Variants in FMN2 observed in about 807,000 individuals in gnomAD.
FMN2 encodes the protein formin-2.
In FMN2, 51 loss-of-function variants were observed where a neutral mutation model predicts 142.3. The observed-to-expected ratio is 0.36, with a 90% CI of 0.29 to 0.45. The LOEUF (loss-of-function observed/expected upper bound fraction) is 0.45, where lower values mean the gene tolerates loss of function less well. FMN2 is among the 20% of genes least tolerant of loss of function. The probability of loss-of-function intolerance (pLI) is 1.00; values close to 1 mark genes in which losing one functional copy is unlikely to be tolerated. For missense variants in FMN2, 1,936 were observed against 2,122.8 expected, an observed-to-expected ratio of 0.91 and a Z score of 1.73; for synonymous variants, 882 against 869.8, an observed-to-expected ratio of 1.01 and a Z score of -0.25.
chr1:240,392,886 T>A (rs1673651567), intron 15 of FMN2, among the ~76,000 whole-genome samples: 1 of 152,176 alleles, frequency 6.6e-6, no homozygotes, highest in South Asian at 2.1e-4. Context: ...AAAAAAACTA[T>A]GTGATTTCCA....
chr1:240,396,665 G>A (rs1673789367), intron 15 of FMN2, among the ~76,000 whole-genome samples: 1 of 152,060 alleles, frequency 6.6e-6, no homozygotes, highest in Non-Finnish European at 1.5e-5. Flanking sequence ...TCTATGTGTG[G>A]TCAGTGTTTA....
intron 2 of FMN2, among the ~76,000 whole-genome samples, chr1:240,165,007 C>T (rs1664422883): frequency 6.6e-6 from 1 of 152,108 alleles, no homozygotes; most frequent in African/African-American, 2.4e-5. Context: ...GACTCCATTT[C>T]TTCATTCTGG....
rs1334434374 is a variant in FMN2 at position 240,241,475 on chromosome 1, A to G, written c.4066-16470A>G. ...TGCACATGGCTCTCAGGGACTGCCT[A>G]CAGCAGAGGACAAGTGAACTTTGGA... is the stretch of plus-strand genomic sequence containing the variant. On this transcript the variant is annotated intron_variant, in intron 6 of 17. Transcript: ENST00000319653. Among the ~76,000 whole-genome samples the G allele has an allele frequency of 3.3e-5, 5 of 152,306 alleles. No individual in the cohort carries two copies. In the East Asian group the frequency reaches 9.6e-4, roughly 29 times the overall value.
chr1:240,407,818 A>G (rs1018113272), intron 15 of FMN2, among the ~76,000 whole-genome samples: 1 of 152,192 alleles, frequency 6.6e-6, no homozygotes, highest in East Asian at 1.9e-4. Context: ...ATTCCTGGTC[A>G]CAAAGTCTCT....
At chr1:240,254,040 T>C (rs1668367222) in intron 6 of FMN2, among the ~76,000 whole-genome samples, 1 of 152,078 alleles carries the variant, frequency 6.6e-6, no homozygotes, top group Non-Finnish European at 1.5e-5. Context: ...GGGTGGTGTA[T>C]GCTGGCCCTG....
chr1:240,123,142 G>T, intron 1 of FMN2, 37 bp from the exon 2 acceptor site: 1 of 1,610,638 alleles, frequency 6.2e-7, no homozygotes. Flanking sequence ...CAGGTGATCG[G>T]CAGTGCTCGC....
chr1:240,402,699 A>G (rs927970861), intron 15 of FMN2, among the ~76,000 whole-genome samples: 2 of 152,218 alleles, frequency 1.3e-5, no homozygotes, highest in African/African-American at 4.8e-5. Flanking sequence ...CACCAGACCA[A>G]ATATGATTGT....
intron 2 of FMN2, among the ~76,000 whole-genome samples, chr1:240,136,617 T>C (rs1299602634): frequency 2.0e-5 from 3 of 152,196 alleles, no homozygotes; most frequent in African/African-American, 4.8e-5. Flanking sequence ...ATTTGTATGA[T>C]GGACTTTTAT....
In FMN2 at chr1:240,114,346, G is replaced by A. The variant is rs772108134; in HGVS notation, c.1616-8833G>A. Among the ~76,000 whole-genome samples, 21 of 152,286 alleles carry A rather than the reference G, an allele frequency of 1.4e-4. No individual in the cohort carries two copies. The Middle Eastern group carries it at 0.014, about 99-fold the overall frequency. ...CTAGAATGGATGCTAGGTGCAATCT[G>A]ACAGTTGAATTGGTTCATGCTGAGT... On this transcript the variant is annotated intron_variant, in intron 1 of 17. Coordinates refer to ENST00000319653, the MANE Select transcript of FMN2 (RefSeq NM_020066.5).
intron 16 of FMN2, among the ~76,000 whole-genome samples, chr1:240,463,205 C>T (rs1289731166): frequency 6.6e-6 from 1 of 152,054 alleles, no homozygotes; most frequent in Non-Finnish European, 1.5e-5. Flanking sequence ...GGGTATGGCA[C>T]TGGTTCAGGG....
chr1:240,250,862 G>T (rs898886141), intron 6 of FMN2, among the ~76,000 whole-genome samples: 5 of 151,908 alleles, frequency 3.3e-5, no homozygotes, highest in Non-Finnish European at 7.4e-5. Context: ...AGATTTTCCA[G>T]TATATTATTG....
At position 240,249,406 on chromosome 1, in the gene FMN2, G is replaced by A. The variant is rs533447900; in HGVS notation, c.4066-8539G>A. The stretch of plus-strand genomic sequence containing the variant: ...TGTCTTTGTTGAAAATCAGTTGCCT[G>A]TAAATATGTGGATTTATATCTGGGT... On this transcript the variant is annotated intron_variant, in intron 6 of 17. Coordinates refer to ENST00000319653, the MANE Select transcript of FMN2 (RefSeq NM_020066.5). 2.0e-5 allele frequency among the ~76,000 whole-genome samples: 3 copies of A among 152,178 alleles called. No individual in the cohort carries two copies. In the East Asian group the frequency reaches 5.8e-4, roughly 29 times the overall value.
intron 14 of FMN2, among the ~76,000 whole-genome samples, chr1:240,380,179 T>C (rs1174783225): frequency 1.3e-5 from 2 of 152,170 alleles, no homozygotes; most frequent in African/African-American, 4.8e-5. Flanking sequence ...ACAGAACATA[T>C]ATTTTTTCTC....
rs1669292983 is a variant in FMN2, at chr1:240,278,505, G to A, written c.4154-16317G>A. 1.3e-5 allele frequency among the ~76,000 whole-genome samples: 2 copies of A among 152,114 alleles called. 1 individual carries two copies. Among genetic ancestry groups the A allele is most frequent in the South Asian group, 4.1e-4 (2 of 4,826 alleles). ...TTGAGTTTTCCTTTGTGGTAGCCTG[G>A]CAGGTGAGGACAAATCCACTTACTC... is the stretch of plus-strand genomic sequence containing the variant. On this transcript the variant is annotated intron_variant, in intron 7 of 17. Coordinates refer to ENST00000319653, the MANE Select transcript of FMN2 (RefSeq NM_020066.5).
chr1:240,319,238 A>G (rs1370256455), intron 8 of FMN2, among the ~76,000 whole-genome samples: 2 of 152,206 alleles, frequency 1.3e-5, no homozygotes, highest in East Asian at 3.9e-4. Flanking sequence ...TGCCTAGTCA[A>G]CATAAAAGTA....
In FMN2 at chr1:240,092,300, A is replaced by G; in HGVS notation, c.191A>G (p.Lys64Arg). Residue 64 changes from lysine (K) to arginine (R), a missense_variant, in exon 1 of 18, where the codon AAG (lysine) becomes AGG (arginine). Physicochemically the swap from Lys to Arg is conservative, Grantham distance 26 (BLOSUM62 2). Coordinates refer to ENST00000319653, the MANE Select transcript of FMN2 (RefSeq NM_020066.5). ...GGGGGGESGK[K>R]KSKSDSRASV... ...GGCGGCGGCGGGGAGTCGGGCAAGA[A>G]GAAGAGCAAGTCCGACTCCAGAGCC... is the stretch of plus-strand genomic sequence containing the variant. The G allele has an allele frequency of 6.3e-7, 1 of 1,597,696 alleles. No individual in the cohort carries two copies. The highest frequency in any genetic ancestry group is 1.1e-5 in the South Asian group (1 of 89,402).
chr1:240,192,034 T>C (rs1443215722), intron 4 of FMN2, among the ~76,000 whole-genome samples: 4 of 152,218 alleles, frequency 2.6e-5, no homozygotes, highest in Non-Finnish European at 5.9e-5. Flanking sequence ...GTATGATCTA[T>C]ATGCAAATAA....
Position 240,092,246 on chromosome 1 carries a change from G to A in FMN2, c.137G>A (p.Gly46Asp). Residue 46 changes from glycine to aspartate, a missense_variant, in exon 1 of 18, where the codon GGC (glycine) becomes GAC (aspartate). By Grantham distance (94) the Gly-to-Asp change is moderately conservative (BLOSUM62 -1). This residue lies in a region of FMN2 where 751 missense variants were observed against 791.8 expected (regional missense o/e 0.95). Coordinates refer to ENST00000319653, the MANE Select transcript of FMN2 (RefSeq NM_020066.5). ...KKGSGGKKAL[G>D]KHGKGGGGGG... ...GGGAGCGGGGGCAAGAAGGCGCTAG[G>A]CAAGCACGGCAAGGGGGGAGGGGGC... 6.5e-7 allele frequency: 1 copy of A among 1,529,484 alleles called. No homozygotes were observed. Among genetic ancestry groups the A allele is most frequent in the Non-Finnish European group, 8.9e-7 (1 of 1,125,698 alleles). The allele number at this position is 1,529,484 out of a possible 1,614,324, so 94.7% of individuals were successfully genotyped here. A position where few individuals can be genotyped will look rare whatever the true frequency, so the allele number is the denominator to read the frequency against.
At chr1:240,468,249 T>TATATACATATGCACACACAC (rs1158074448) in intron 16 of FMN2, among the ~76,000 whole-genome samples, 39,587 of 135,058 alleles carry the variant, frequency 0.29, 7,891 homozygotes, top group African/African-American at 0.52. Flanking sequence ...CACACACACA[T>TATATACATATGCACACACAC]ATATACATAT....
Sources: gnomAD v4.1 joint callset for allele counts (sites outside exome capture counted in the v4.1 genomes callset) on GRCh38, gnomAD v4.1.1 for gene constraint, gnomAD v4.1.1 regional missense constraint, MANE v1.5 for transcripts, NCBI Gene and HGNC (gene_info 2026-07-23, HGNC 2026-07-21) for gene names.